The following CPED1 variants were observed in gnomAD, a reference collection of about 807,000 sequenced individuals.
CPED1 encodes cadherin like and PC-esterase domain containing 1, also known as cadherin-like and PC-esterase domain-containing protein 1.
CPED1 carries 114 observed loss-of-function variants against 128.2 expected under a neutral mutation model. The observed-to-expected ratio is 0.89, with a 90% confidence interval of 0.76 to 1.04. CPED1 has a LOEUF of 1.04. Ranked by LOEUF, CPED1 falls within the 50% of genes least tolerant of loss-of-function variation. The pLI is 0.00. For missense variants in CPED1, 1,211 were observed against 1,207.1 expected, an observed-to-expected ratio of 1.00 and a Z score of -0.05; for synonymous variants, 462 against 426.7, an observed-to-expected ratio of 1.08 and a Z score of -1.02.
At chr7:121,054,413 T>C (rs1793440103) in intron 4 of CPED1, among the ~76,000 whole-genome samples, 2 of 152,162 alleles carry the variant, frequency 1.3e-5, no homozygotes, top group South Asian at 4.1e-4. Flanking sequence ...CATACATTAA[T>C]TTCAGAATTG....
At chr7:121,105,171 GTGTTA>G (rs1794944838) in intron 7 of CPED1, among the ~76,000 whole-genome samples, 1 of 152,052 alleles carries the variant, frequency 6.6e-6, no homozygotes, top group South Asian at 2.1e-4. Context: ...GAGAGGAATG[GTGTTA>G]TGTACAAGAT....
At chr7:121,284,686 A>G (rs938280664) in intron 22 of CPED1, among the ~76,000 whole-genome samples, 3 of 152,322 alleles carry the variant, frequency 2.0e-5, no homozygotes, top group Middle Eastern at 6.8e-3. Context: ...TTACAAAATG[A>G]TCTCCTTTGA....
chr7:120,995,482 TC>T (rs1796382195), intron 2 of CPED1, among the ~76,000 whole-genome samples: 1 of 152,246 alleles, frequency 6.6e-6, no homozygotes, highest in Non-Finnish European at 1.5e-5. Context: ...TTTATACTTT[TC>T]CTTGATGAAT....
At chr7:121,173,276 T>C (rs912586351) in intron 16 of CPED1, among the ~76,000 whole-genome samples, 4 of 152,152 alleles carry the variant, frequency 2.6e-5, no homozygotes, top group Non-Finnish European at 5.9e-5. Context: ...TTTAGGTTCA[T>C]GGTTACATGT....
intron 15 of CPED1, 22 bp from the exon 16 acceptor site, chr7:121,141,951 C>A (rs1351882631): frequency 1.2e-6 from 2 of 1,600,496 alleles, no homozygotes; most frequent in Non-Finnish European, 1.7e-6. Flanking sequence ...TATTCTATTT[C>A]TCTCTCCCTC....
intron 18 of CPED1, among the ~76,000 whole-genome samples, chr7:121,252,239 A>G (rs75327147): frequency 0.41 from 61,727 of 150,018 alleles, 13,206 homozygotes; most frequent in Middle Eastern, 0.52. Context: ...AATAAATGAT[A>G]CTGGGAAAAC....
intron 17 of CPED1, among the ~76,000 whole-genome samples, chr7:121,242,367 T>G (rs1798417174): frequency 6.6e-6 from 1 of 152,198 alleles, no homozygotes; most frequent in Non-Finnish European, 1.5e-5. Context: ...AACAGGGTTG[T>G]TGATGTTTAA....
intron 14 of CPED1, among the ~76,000 whole-genome samples, chr7:121,137,815 A>G (rs2116356070): frequency 6.6e-6 from 1 of 152,232 alleles, no homozygotes; most frequent in East Asian, 1.9e-4. Context: ...TGAGAAAACT[A>G]GGAGCAAAAT....
intron 3 of CPED1, among the ~76,000 whole-genome samples, chr7:121,019,301 T>C (rs911003787): frequency 3.4e-4 from 51 of 152,020 alleles, no homozygotes; most frequent in African/African-American, 1.2e-3. Flanking sequence ...CTTTTATCTG[T>C]TAAAGGCATT....
chr7:121,120,608 C>T (rs1795360164), intron 7 of CPED1, among the ~76,000 whole-genome samples: 1 of 152,138 alleles, frequency 6.6e-6, no homozygotes. Context: ...CATTCAAGAA[C>T]ATTACTTTGA....
At chr7:121,006,602 A>G (rs1257039031) in intron 2 of CPED1, among the ~76,000 whole-genome samples, 1 of 152,048 alleles carries the variant, frequency 6.6e-6, no homozygotes, top group Non-Finnish European at 1.5e-5. Context: ...AATCACATCA[A>G]ATTGTGTCAA....
chr7:121,261,894 A>G, intron 18 of CPED1: 1 of 620,058 alleles, frequency 1.6e-6, no homozygotes, highest in South Asian at 2.0e-5. Context: ...AACAAAGATA[A>G]TTAAACCATT....
intron 16 of CPED1, among the ~76,000 whole-genome samples, chr7:121,148,089 A>G (rs1796067037): frequency 6.6e-6 from 1 of 152,164 alleles, no homozygotes; most frequent in Non-Finnish European, 1.5e-5. Flanking sequence ...AAAACCTATT[A>G]GTTTTCAAAG....
chr7:121,255,969 A>G (rs1303423525), intron 18 of CPED1, among the ~76,000 whole-genome samples: 1 of 152,004 alleles, frequency 6.6e-6, no homozygotes, highest in African/African-American at 2.4e-5. Flanking sequence ...ATATTGTTAA[A>G]ATGGCCATAC....
chr7:121,079,196 A>T (rs931687162), intron 5 of CPED1, among the ~76,000 whole-genome samples: 4 of 152,316 alleles, frequency 2.6e-5, no homozygotes, highest in South Asian at 2.1e-4. Context: ...TTTGGCTCAT[A>T]GCAGCCAGGG....
intron 16 of CPED1, among the ~76,000 whole-genome samples, chr7:121,170,078 A>G (rs1049186365): frequency 3.3e-5 from 5 of 152,134 alleles, no homozygotes; most frequent in Admixed American, 6.5e-5. Flanking sequence ...TTGTCTTGCC[A>G]TGCCTGCCAC....
chr7:121,060,657 T>C (rs963722198), intron 4 of CPED1, among the ~76,000 whole-genome samples: 7 of 152,154 alleles, frequency 4.6e-5, no homozygotes, highest in Admixed American at 1.3e-4. Context: ...TCAGGGATTG[T>C]AAACGCACCA....
chr7:121,153,410 C>T (rs1326926724), intron 16 of CPED1, among the ~76,000 whole-genome samples: 2 of 152,120 alleles, frequency 1.3e-5, no homozygotes, highest in Admixed American at 6.5e-5. Context: ...TACATCTTCA[C>T]GGATTAGAGA....
In CPED1 at chr7:121,291,200, C is replaced by T. The variant is rs973867730; in HGVS notation, c.2869-4240C>T. On this transcript the variant is annotated intron_variant, in intron 22 of 22. Coordinates refer to ENST00000310396, the MANE Select transcript of CPED1 (RefSeq NM_024913.5). ...TACCAGTACCATGCTGTTTTGGTTA[C>T]AGTAGCCTTGTAGTATGGTTTGGAG... Among the ~76,000 whole-genome samples, 4 of 152,188 alleles carry T rather than the reference C, an allele frequency of 2.6e-5. No individual in the cohort carries two copies. In the East Asian group the frequency reaches 7.7e-4, roughly 29 times the overall value.
Sources: allele counts gnomAD v4.1 joint callset (sites outside exome capture counted in the v4.1 genomes callset), GRCh38; gene constraint gnomAD v4.1.1; transcripts MANE v1.5; gene names NCBI Gene and HGNC (gene_info 2026-07-23, HGNC 2026-07-21).